Variants in NEGR1 observed in about 807,000 individuals in gnomAD.
NEGR1 encodes the protein neuronal growth regulator 1.
A neutral mutation model predicts 40.9 loss-of-function variants in NEGR1; 10 were observed. That is an observed-to-expected ratio of 0.24 (90% CI 0.15 to 0.42). NEGR1 has a LOEUF of 0.42. NEGR1 is among the 10% of genes least tolerant of loss of function. The pLI is 1.00. For synonymous variants in NEGR1, 185 were observed against 166.8 expected (o/e 1.11, Z -0.84); for missense variants, 352 against 438.9 (o/e 0.80, Z 1.77).
chr1:71,594,388 A>C (rs1649619137), intron 5 of NEGR1, among the ~76,000 whole-genome samples: 1 of 152,172 alleles, frequency 6.6e-6, no homozygotes, highest in Admixed American at 6.5e-5. Context: ...ACTCCTTTGC[A>C]TTATACTGTG....
chr1:72,044,151 G>A (rs574582178), intron 1 of NEGR1, among the ~76,000 whole-genome samples: 1 of 151,546 alleles, frequency 6.6e-6, no homozygotes, highest in South Asian at 2.1e-4. Context: ...TTTATAAAGT[G>A]CTGAACACAG....
chr1:71,801,684 C>T (rs150035356), intron 2 of NEGR1, among the ~76,000 whole-genome samples: 11 of 152,278 alleles, frequency 7.2e-5, no homozygotes, highest in African/African-American at 2.2e-4. Flanking sequence ...ACTTCATCTG[C>T]TATTGTCCAT....
At chr1:71,440,047 T>A (rs1302923487) in intron 6 of NEGR1, among the ~76,000 whole-genome samples, 1 of 152,204 alleles carries the variant, frequency 6.6e-6, no homozygotes, top group African/African-American at 2.4e-5. Flanking sequence ...TTCTATGGCT[T>A]ACGAATCCAT....
intron 6 of NEGR1, among the ~76,000 whole-genome samples, chr1:71,513,608 A>G (rs938493931): frequency 6.6e-6 from 1 of 152,210 alleles, no homozygotes; most frequent in African/African-American, 2.4e-5. Context: ...AAAATATCTC[A>G]AAGTCCTATT....
intron 2 of NEGR1, among the ~76,000 whole-genome samples, chr1:71,899,833 T>C (rs979320569): frequency 2.0e-5 from 3 of 152,186 alleles, no homozygotes; most frequent in Non-Finnish European, 4.4e-5. Context: ...ACATGAACCA[T>C]TGTTTTCTTC....
intron 1 of NEGR1, among the ~76,000 whole-genome samples, chr1:71,979,150 A>G (rs1177937109): frequency 1.3e-5 from 2 of 152,140 alleles, no homozygotes; most frequent in African/African-American, 4.8e-5. Flanking sequence ...AGTTGGAGCT[A>G]AATAAAGAGA....
At chr1:72,144,404 T>A (rs1650828664) in intron 1 of NEGR1, among the ~76,000 whole-genome samples, 1 of 151,966 alleles carries the variant, frequency 6.6e-6, no homozygotes, top group African/African-American at 2.4e-5. Flanking sequence ...GTAAAGAGGA[T>A]GCAATCATAA....
At chr1:72,025,592 A>G (rs923011514) in intron 1 of NEGR1, among the ~76,000 whole-genome samples, 2 of 152,216 alleles carry the variant, frequency 1.3e-5, no homozygotes, top group African/African-American at 4.8e-5. Context: ...TAGCATCAAC[A>G]TAGAAAAAGT....
intron 1 of NEGR1, among the ~76,000 whole-genome samples, chr1:72,114,219 T>C (rs1649494555): frequency 6.6e-6 from 1 of 151,572 alleles, no homozygotes; most frequent in Non-Finnish European, 1.5e-5. Context: ...AAGTAAAGCA[T>C]ATTACCCTCC....
At chr1:72,150,517 C>T (rs1305925125) in intron 1 of NEGR1, among the ~76,000 whole-genome samples, 2 of 152,056 alleles carry the variant, frequency 1.3e-5, no homozygotes, top group African/African-American at 2.4e-5. Context: ...GGGATCTTAG[C>T]AAATATTAAA....
In NEGR1 at chr1:71,680,396, T is replaced by C. The variant is rs114202004; in HGVS notation, c.667+17612A>G. ...CCATTTCAATTTCCCAATTTATTGA[T>C]TGTTATTAAGGACAACCTCTTCATA... is the stretch of plus-strand genomic sequence containing the variant. On this transcript the variant is annotated intron_variant, in intron 4 of 6. Transcript: ENST00000357731. Among the ~76,000 whole-genome samples, 914 of 152,266 alleles carry C rather than the reference T, an allele frequency of 6.0e-3. 16 individuals carry two copies. Among genetic ancestry groups the C allele is most frequent in the African/African-American group, 0.02 (849 of 41,582 alleles).
chr1:71,628,576 C>T (rs1316977014), intron 4 of NEGR1, among the ~76,000 whole-genome samples: 1 of 151,878 alleles, frequency 6.6e-6, no homozygotes, highest in East Asian at 1.9e-4. Context: ...CACCCCACCC[C>T]CTGACAGGCC....
At chr1:72,179,317 G>A (rs1326047005) in intron 1 of NEGR1, among the ~76,000 whole-genome samples, 4 of 151,920 alleles carry the variant, frequency 2.6e-5, no homozygotes, top group African/African-American at 9.7e-5. Context: ...GGTTGTAGGT[G>A]TGCAGCTTTA....
At chr1:71,806,147 C>T (rs1366636874) in intron 2 of NEGR1, among the ~76,000 whole-genome samples, 1 of 152,004 alleles carries the variant, frequency 6.6e-6, no homozygotes, top group African/African-American at 2.4e-5. Flanking sequence ...TTCCATTGGA[C>T]AGGTTAGTTC....
chr1:71,553,787 G>A (rs1469227388), intron 6 of NEGR1, among the ~76,000 whole-genome samples: 2 of 151,458 alleles, frequency 1.3e-5, no homozygotes, highest in African/African-American at 4.8e-5. Context: ...AAAGTAATTT[G>A]CTATTTGCCT....
chr1:72,281,706 T>C (rs1257445442), intron 1 of NEGR1, among the ~76,000 whole-genome samples: 1 of 150,280 alleles, frequency 6.7e-6, no homozygotes. Flanking sequence ...GAGAAGAAAT[T>C]TTAAAAAGGA....
intron 6 of NEGR1, among the ~76,000 whole-genome samples, chr1:71,485,304 T>A (rs985338625): frequency 6.6e-6 from 1 of 151,570 alleles, no homozygotes; most frequent in Non-Finnish European, 1.5e-5. Context: ...AGCTTTAGAT[T>A]TGCAACAAAA....
intron 3 of NEGR1, among the ~76,000 whole-genome samples, chr1:71,717,269 A>C (rs964087671): frequency 6.6e-6 from 1 of 152,252 alleles, no homozygotes; most frequent in East Asian, 1.9e-4. Context: ...CAGAAGTTTC[A>C]ACTGGGTATC....
rs564997222 is a variant in NEGR1 at position 72,206,849 on chromosome 1, T to C, written c.176+75470A>G. On this transcript the variant is annotated intron_variant, in intron 1 of 6. Transcript: ENST00000357731. ...TTTGAGGATATACCTAATTTTATTA[T>C]AGGGAGGGAGCAGAAAAAACAAACA... Among the ~76,000 whole-genome samples, 5 of 151,964 alleles carry C rather than the reference T, an allele frequency of 3.3e-5. No individual in the cohort carries two copies. The South Asian group carries it at 6.2e-4, about 19-fold the overall frequency.
Sources: allele counts gnomAD v4.1 joint callset (sites outside exome capture counted in the v4.1 genomes callset), GRCh38; gene constraint gnomAD v4.1.1; transcripts MANE v1.5; gene names NCBI Gene and HGNC (gene_info 2026-07-23, HGNC 2026-07-21).